HEATR4: variants seen among roughly 807,000 people sequenced by gnomAD.
HEATR4 encodes the protein HEAT repeat containing 4, also known as HEAT repeat-containing protein 4.
Under a neutral mutation model 108.8 loss-of-function variants are expected in HEATR4, and 95 were observed. The ratio of observed to expected loss-of-function variants is 0.87; its 90% CI spans 0.74 to 1.04. The LOEUF (loss-of-function observed/expected upper bound fraction) is 1.04, where lower values mean the gene tolerates loss of function less well. Among genes scored for constraint, HEATR4 ranks in the 50% least tolerant of loss-of-function variants. HEATR4 has a pLI of 0.00. For synonymous variants in HEATR4, 443 were observed against 459.4 expected (o/e 0.96, Z 0.46); for missense variants, 1,152 against 1,253.8 (o/e 0.92, Z 1.23).
chr14:73,496,796 C>T lies in HEATR4; in HGVS notation c.2547-117G>A, dbSNP rs1886133699. On this transcript the variant is annotated intron_variant, in intron 14 of 17. Transcript: ENST00000553558. Reference sequence around the variant, plus strand: ...ATCCCAAGTTCCAATCCTAACTGTGCAGTTTTGCTGAGCCTTATATGCAAA... The same window carrying T: ...ATCCCAAGTTCCAATCCTAACTGTGTAGTTTTGCTGAGCCTTATATGCAAA... 4 of 653,402 alleles carry T rather than the reference C, an allele frequency of 6.1e-6. No individual in the cohort carries two copies. In the South Asian group the frequency reaches 7.2e-5, roughly 12 times the overall value. The allele number at this position is 653,402 out of a possible 1,614,324, so 40.5% of individuals were successfully genotyped here.
the HEATR4 span, among the ~76,000 whole-genome samples, chr14:73,609,354 G>A: frequency 6.6e-6 from 1 of 152,144 alleles, no homozygotes; most frequent in Non-Finnish European, 1.5e-5. Context: ...ATGGGATCCT[G>A]GACATTGGGC....
At chr14:73,609,582 G>A in the HEATR4 span, among the ~76,000 whole-genome samples, 1 of 152,200 alleles carries the variant, frequency 6.6e-6, no homozygotes, top group Non-Finnish European at 1.5e-5. Flanking sequence ...CAGTGCCACT[G>A]CCTTGGCAGC....
chr14:73,507,501 T>G (rs1441900739), intron 9 of HEATR4, among the ~76,000 whole-genome samples: 1 of 152,196 alleles, frequency 6.6e-6, no homozygotes, highest in African/African-American at 2.4e-5. Flanking sequence ...TGGTGTGATC[T>G]CAGCTCGCTG....
At chr14:73,485,803 A>T (rs956232998) in intron 17 of HEATR4, among the ~76,000 whole-genome samples, 2 of 151,554 alleles carry the variant, frequency 1.3e-5, no homozygotes, top group Non-Finnish European at 2.9e-5. Flanking sequence ...TGGCAGGTGG[A>T]GGTTGCAGTG....
At chr14:73,523,340 C>A in intron 2 of HEATR4, 116 bp from the exon 3 acceptor site, 1 of 572,914 alleles carries the variant, frequency 1.7e-6, no homozygotes, top group Non-Finnish European at 3.0e-6. Flanking sequence ...TGGGGAAGAG[C>A]CATGTGAGTT....
chr14:73,502,783 G>A (rs1595099557), intron 11 of HEATR4, 112 bp downstream of exon 11: 17 of 757,280 alleles, frequency 2.2e-5, no homozygotes, highest in South Asian at 7.4e-5. Flanking sequence ...TCCTGACCTC[G>A]TGATCCGCCC....
At chr14:73,612,221 G>A in the HEATR4 span, among the ~76,000 whole-genome samples, 1 of 152,046 alleles carries the variant, frequency 6.6e-6, no homozygotes, top group South Asian at 2.1e-4. Context: ...TGTATTTTCA[G>A]TAGAGATGAG....
At chr14:73,563,033 G>A (rs1445382254), upstream of HEATR4, among the ~76,000 whole-genome samples, 2 of 151,792 alleles carry the variant, frequency 1.3e-5, no homozygotes, top group Non-Finnish European at 1.5e-5. Context: ...TGAAGCATAC[G>A]ATCTTTGTAC....
chr14:73,627,952 G>A, the HEATR4 span, among the ~76,000 whole-genome samples: 1 of 152,310 alleles, frequency 6.6e-6, no homozygotes, highest in South Asian at 2.1e-4. Flanking sequence ...GGGATTACAG[G>A]TGGGTGCCAC....
chr14:73,569,334 C>T, the HEATR4 span: 2 of 1,613,858 alleles, frequency 1.2e-6, no homozygotes, highest in African/African-American at 1.3e-5. Context: ...TCGAGCGTCC[C>T]GGCTGTACCA....
chr14:73,561,381 A>G (rs1457332948), upstream of HEATR4, among the ~76,000 whole-genome samples: 1 of 150,742 alleles, frequency 6.6e-6, no homozygotes, highest in African/African-American at 2.4e-5. Context: ...AAAAGAAAGA[A>G]AAAAAAAGAA....
At chr14:73,592,077 G>A in the HEATR4 span, 3 of 1,485,452 alleles carry the variant, frequency 2.0e-6, no homozygotes, top group East Asian at 2.8e-5. Flanking sequence ...GTCCCTGCGC[G>A]ACGAGAAGGG....
chr14:73,524,336 T>TA (rs1888198687), intron 2 of HEATR4, among the ~76,000 whole-genome samples: 6 of 134,532 alleles, frequency 4.5e-5, no homozygotes, highest in Admixed American at 7.5e-5. Context: ...TATATATATA[T>TA]TATAGCTGTA....
At chr14:73,617,651 A>G in the HEATR4 span, among the ~76,000 whole-genome samples, 11 of 152,244 alleles carry the variant, frequency 7.2e-5, no homozygotes, top group African/African-American at 2.4e-4. Flanking sequence ...CTGGAGTTCA[A>G]TTTTCCTCCT....
At chr14:73,493,235 CTGA>C in intron 16 of HEATR4, 111 bp from the exon 17 acceptor site, 1 of 836,460 alleles carries the variant, frequency 1.2e-6, no homozygotes, top group South Asian at 1.5e-5. Flanking sequence ...CTGGGTAACA[CTGA>C]CCATGTCGTT....
chr14:73,592,655 C>G, the HEATR4 span, among the ~76,000 whole-genome samples: 1 of 152,142 alleles, frequency 6.6e-6, no homozygotes, highest in Non-Finnish European at 1.5e-5. Context: ...GAGTTTGAGA[C>G]CAGACTGGCC....
chr14:73,555,524 G>C lies in HEATR4; in HGVS notation c.-152+3227C>G, dbSNP rs1056502844. 5.2e-5 allele frequency among the ~76,000 whole-genome samples: 6 copies of C among 114,794 alleles called. 2 individuals carry two copies. Among genetic ancestry groups the C allele is most frequent in the African/African-American group, 8.4e-5 (3 of 35,650 alleles). 75.3% of individuals were successfully genotyped at this position (114,794 alleles called of 152,430 possible). On this transcript the variant is annotated intron_variant, in intron 1 of 17. Coordinates refer to ENST00000553558, the MANE Select transcript of HEATR4 (RefSeq NM_001220484.1). ...TTCTTGTTAAGAGGAGTTCCTCACT[G>C]GTTGAGTATGAATGGTCAAATGAAA... is the stretch of plus-strand genomic sequence containing the variant.
intron 17 of HEATR4, among the ~76,000 whole-genome samples, chr14:73,479,439 C>CTTTCTTT (rs777249301): frequency 1.9e-5 from 2 of 107,642 alleles, no homozygotes; most frequent in African/African-American, 7.5e-5. Context: ...TTCTTTCTTT[C>CTTTCTTT]TTTTTTTTTT....
the HEATR4 span, among the ~76,000 whole-genome samples, chr14:73,594,575 C>G: frequency 6.6e-6 from 1 of 152,160 alleles, no homozygotes; most frequent in Non-Finnish European, 1.5e-5. Context: ...GAAGAAACTC[C>G]CCTGTCAGCT....
Sources: gnomAD v4.1 joint callset for allele counts (sites outside exome capture counted in the v4.1 genomes callset) on GRCh38, gnomAD v4.1.1 for gene constraint, MANE v1.5 for transcripts, NCBI Gene and HGNC (gene_info 2026-07-23, HGNC 2026-07-21) for gene names.